MACROD2: variants seen among roughly 807,000 people sequenced by gnomAD.
The protein encoded by MACROD2 is mono-ADP ribosylhydrolase 2.
A neutral mutation model predicts 70.4 loss-of-function variants in MACROD2; 36 were observed. The ratio of observed to expected loss-of-function variants is 0.51; its 90% CI spans 0.39 to 0.68. MACROD2 has a LOEUF of 0.68. Ranked by LOEUF, MACROD2 falls within the 30% of genes least tolerant of loss-of-function variation. The pLI is 0.00. For synonymous variants in MACROD2, 172 were observed against 178.8 expected, an observed-to-expected ratio of 0.96 and a Z score of 0.30; for missense variants, 496 against 538.4, an observed-to-expected ratio of 0.92 and a Z score of 0.78.
At chr20:15,241,570 A>G (rs2146006216) in intron 6 of MACROD2, among the ~76,000 whole-genome samples, 1 of 152,260 alleles carries the variant, frequency 6.6e-6, no homozygotes, top group Non-Finnish European at 1.5e-5. Context: ...ACAGACAACT[A>G]TGTAACCAGG....
intron 5 of MACROD2, among the ~76,000 whole-genome samples, chr20:14,821,171 T>C (rs552915186): frequency 4.6e-5 from 7 of 152,126 alleles, no homozygotes; most frequent in Non-Finnish European, 1.0e-4. Context: ...CATTATTCTT[T>C]TAGCAGTTGA....
chr20:15,646,478 C>A (rs1488382424), intron 8 of MACROD2, among the ~76,000 whole-genome samples: 3 of 152,164 alleles, frequency 2.0e-5, no homozygotes, highest in Admixed American at 1.3e-4. Flanking sequence ...TATTTTATGA[C>A]TCCTATTTTA....
intron 10 of MACROD2, among the ~76,000 whole-genome samples, chr20:15,907,392 C>A (rs1000368495): frequency 6.6e-6 from 1 of 152,174 alleles, no homozygotes; most frequent in African/African-American, 2.4e-5. Context: ...AATTGTCCAA[C>A]TTTGGTTAAG....
rs1555842145 is a variant in MACROD2 at position 14,874,285 on chromosome 20, G to GATTT, written c.418+189329_418+189330insTATT. 5.7e-4 allele frequency among the ~76,000 whole-genome samples: 77 copies of GATTT among 134,534 alleles called. 1 individual carries two copies. Among genetic ancestry groups the GATTT allele is most frequent in the African/African-American group, 2.1e-3 (73 of 35,156 alleles). The allele number at this position is 134,534 out of a possible 152,430, so 88.3% of individuals were successfully genotyped here. On this transcript the variant is annotated intron_variant, in intron 5 of 17. Transcript: ENST00000684519. ...TCTCAGGAAGGCAGTATCAAATGGA[G>GATTT]ATTCATTTATTTATTTATTTATTTA...
chr20:15,813,566 T>A, intron 8 of MACROD2, among the ~76,000 whole-genome samples: 1 of 152,146 alleles, frequency 6.6e-6, no homozygotes, highest in East Asian at 1.9e-4. Context: ...TCACTTGAGC[T>A]CATGAGTTCA....
chr20:15,650,747 GA>G (rs1193529031), intron 8 of MACROD2, among the ~76,000 whole-genome samples: 4 of 151,928 alleles, frequency 2.6e-5, no homozygotes, highest in African/African-American at 4.8e-5. Context: ...GTTTTTCAAT[GA>G]ATTAAAATAC....
chr20:14,252,907 C>A (rs895255778), intron 3 of MACROD2, among the ~76,000 whole-genome samples: 2 of 151,838 alleles, frequency 1.3e-5, no homozygotes, highest in Non-Finnish European at 2.9e-5. Context: ...TAAAATTAAT[C>A]CTTTAATTTT....
At chr20:15,385,956 C>T (rs577477534) in intron 6 of MACROD2, among the ~76,000 whole-genome samples, 86 of 152,092 alleles carry the variant, frequency 5.7e-4, no homozygotes, top group African/African-American at 8.7e-4. Context: ...TACTGGGTCA[C>T]GAGAGCTAAA....
chr20:15,723,412 G>A (rs1428154521), intron 8 of MACROD2, among the ~76,000 whole-genome samples: 4 of 152,084 alleles, frequency 2.6e-5, no homozygotes, highest in Non-Finnish European at 4.4e-5. Context: ...TATTTTCACC[G>A]TGGTAACAAT....
intron 3 of MACROD2, among the ~76,000 whole-genome samples, chr20:14,331,908 A>G (rs771913319): frequency 7.9e-5 from 12 of 152,128 alleles, no homozygotes; most frequent in Non-Finnish European, 1.2e-4. Flanking sequence ...CATAACACTG[A>G]CTTCAGAGCC....
At chr20:15,267,250 C>T (rs1050514655) in intron 6 of MACROD2, among the ~76,000 whole-genome samples, 2 of 152,164 alleles carry the variant, frequency 1.3e-5, no homozygotes, top group Admixed American at 1.3e-4. Flanking sequence ...GAAGACTTTC[C>T]CAAGTCTCAC....
At chr20:15,900,219 T>C (rs2065044308) in intron 10 of MACROD2, among the ~76,000 whole-genome samples, 1 of 152,190 alleles carries the variant, frequency 6.6e-6, no homozygotes, top group Admixed American at 6.5e-5. Context: ...CAAATGAGCT[T>C]AGTGATTGAC....
At chr20:14,084,824 A>G (rs1191688234) in intron 2 of MACROD2, among the ~76,000 whole-genome samples, 1 of 151,866 alleles carries the variant, frequency 6.6e-6, no homozygotes, top group African/African-American at 2.4e-5. Flanking sequence ...TTTGTTACTT[A>G]GAAGTACCAA....
At chr20:15,744,030 C>G (rs2051143963) in intron 8 of MACROD2, among the ~76,000 whole-genome samples, 1 of 152,178 alleles carries the variant, frequency 6.6e-6, no homozygotes, top group Non-Finnish European at 1.5e-5. Flanking sequence ...TCTTTTCCAC[C>G]AGAGCTAACC....
chr20:15,978,312 G>A (rs1216058683), intron 13 of MACROD2, among the ~76,000 whole-genome samples: 2 of 152,166 alleles, frequency 1.3e-5, no homozygotes, highest in African/African-American at 2.4e-5. Flanking sequence ...CCCTTATCTA[G>A]GCACTACAGC....
At chr20:15,374,583 C>G (rs994610489) in intron 6 of MACROD2, among the ~76,000 whole-genome samples, 3 of 152,040 alleles carry the variant, frequency 2.0e-5, no homozygotes, top group African/African-American at 7.2e-5. Context: ...TTTTGTTATA[C>G]AGTTGTGTTT....
At position 15,682,698 on chromosome 20, in the gene MACROD2, T is replaced by C. The variant is rs73242457; in HGVS notation, c.646-180047T>C. On this transcript the variant is annotated intron_variant, in intron 8 of 17. Coordinates refer to ENST00000684519, the MANE Select transcript of MACROD2 (RefSeq NM_001351661.2). ...ATTTTACTTTCTTATCATATTTGACTATTGAAAACATGACCCCTCCCTGCA... is the reference window on the plus strand; with the variant it reads ...ATTTTACTTTCTTATCATATTTGACCATTGAAAACATGACCCCTCCCTGCA... Among the ~76,000 whole-genome samples, 1,156 of 152,342 alleles carry C rather than the reference T, an allele frequency of 7.6e-3. 19 individuals carry two copies. The highest frequency in any genetic ancestry group is 0.026 in the African/African-American group (1,067 of 41,578).
intron 3 of MACROD2, among the ~76,000 whole-genome samples, chr20:14,155,439 G>T (rs780422234): frequency 6.6e-6 from 1 of 152,042 alleles, no homozygotes; most frequent in Non-Finnish European, 1.5e-5. Flanking sequence ...GCTATTTCAC[G>T]TATAGATTGA....
intron 5 of MACROD2, among the ~76,000 whole-genome samples, chr20:14,965,625 T>TA (rs1429112328): frequency 1.5e-5 from 2 of 136,336 alleles, no homozygotes; most frequent in African/African-American, 5.2e-5. Flanking sequence ...TATGCCCAGC[T>TA]AATTTTTTTT....
Sources: gnomAD v4.1 joint callset for allele counts (sites outside exome capture counted in the v4.1 genomes callset) on GRCh38, gnomAD v4.1.1 for gene constraint, MANE v1.5 for transcripts, NCBI Gene and HGNC (gene_info 2026-07-23, HGNC 2026-07-21) for gene names.